PRIMA1: variants seen among roughly 807,000 people sequenced by gnomAD.
PRIMA1 encodes the protein proline-rich membrane anchor 1.
In PRIMA1, 7 loss-of-function variants were observed where a neutral mutation model predicts 17.5. The ratio of observed to expected loss-of-function variants is 0.40; its 90% CI spans 0.23 to 0.75. The LOEUF (loss-of-function observed/expected upper bound fraction) is 0.75, where lower values mean the gene tolerates loss of function less well. Ranked by LOEUF, PRIMA1 falls within the 30% of genes least tolerant of loss-of-function variation. The pLI, the probability that PRIMA1 is intolerant of heterozygous loss-of-function variation, is 0.37. For missense variants in PRIMA1, 200 were observed against 201.8 expected, an observed-to-expected ratio of 0.99 and a Z score of 0.05; for synonymous variants, 97 against 77.9, an observed-to-expected ratio of 1.25 and a Z score of -1.29.
chr14:93,782,893 A>G (rs1472402796), intron 2 of PRIMA1, among the ~76,000 whole-genome samples: 3 of 152,190 alleles, frequency 2.0e-5, no homozygotes, highest in Non-Finnish European at 2.9e-5. Context: ...TCTCTTGAAC[A>G]GCCTTCTTGG....
intron 3 of PRIMA1, among the ~76,000 whole-genome samples, chr14:93,756,413 A>C (rs770137442): frequency 2.0e-5 from 3 of 152,084 alleles, no homozygotes; most frequent in Non-Finnish European, 4.4e-5. Flanking sequence ...TAAAAAATGG[A>C]AAGTAAAAAA....
At chr14:93,748,403 G>T (rs149360689) in intron 3 of PRIMA1, among the ~76,000 whole-genome samples, 53 of 152,326 alleles carry the variant, frequency 3.5e-4, no homozygotes, top group African/African-American at 1.2e-3. Flanking sequence ...CGCTTTGGGG[G>T]ACTGGAGGGA....
intron 4 of PRIMA1, among the ~76,000 whole-genome samples, chr14:93,724,736 T>C (rs150237756): frequency 8.3e-4 from 125 of 151,428 alleles, no homozygotes; most frequent in Non-Finnish European, 1.7e-3. Flanking sequence ...CAGAAAAGAG[T>C]CTGGACCCAA....
intron 2 of PRIMA1, among the ~76,000 whole-genome samples, chr14:93,782,160 C>T (rs12147927): frequency 0.11 from 16,098 of 151,906 alleles, 1,030 homozygotes; most frequent in Admixed American, 0.21. Flanking sequence ...CCCAGCTACT[C>T]GGGAGGCTGA....
chr14:93,732,905 C>T (rs974958874), intron 4 of PRIMA1, among the ~76,000 whole-genome samples: 29 of 152,204 alleles, frequency 1.9e-4, no homozygotes, highest in African/African-American at 6.8e-4. Context: ...TCAGGCTGTC[C>T]TGCTGTCAGA....
intron 4 of PRIMA1, among the ~76,000 whole-genome samples, chr14:93,724,861 ATAATG>A (rs2076064038): frequency 6.6e-6 from 1 of 152,188 alleles, no homozygotes. Flanking sequence ...TCTAGGGTGG[ATAATG>A]AAGAAATGAA....
chr14:93,738,733 A>C (rs1474112528), intron 3 of PRIMA1, among the ~76,000 whole-genome samples: 1 of 152,170 alleles, frequency 6.6e-6, no homozygotes, highest in Non-Finnish European at 1.5e-5. Flanking sequence ...CTGAGCTTTG[A>C]CAAATGCATG....
intron 3 of PRIMA1, among the ~76,000 whole-genome samples, chr14:93,774,408 T>C (rs1885150612): frequency 1.3e-5 from 2 of 152,314 alleles, no homozygotes; most frequent in Middle Eastern, 3.4e-3. Flanking sequence ...CAAACGTTCC[T>C]GGTCATTACT....
intron 3 of PRIMA1, among the ~76,000 whole-genome samples, chr14:93,777,309 CA>C (rs1278442944): frequency 6.6e-6 from 1 of 151,802 alleles, no homozygotes; most frequent in Non-Finnish European, 1.5e-5. Context: ...CCTTTTCCCC[CA>C]ACCTGATTAG....
chr14:93,721,600 C>T, intron 4 of PRIMA1, 54 bp from the exon 5 acceptor site: 1 of 1,064,182 alleles, frequency 9.4e-7, no homozygotes, highest in Non-Finnish European at 1.4e-6. Flanking sequence ...GCAGGGACAC[C>T]ATTAGTTATC....
In PRIMA1 at chr14:93,770,256, A is replaced by G. The variant is rs542249149; in HGVS notation, c.229+8920T>C. On this transcript the variant is annotated intron_variant, in intron 3 of 4. Coordinates refer to ENST00000393140, the MANE Select transcript of PRIMA1 (RefSeq NM_178013.4). ...ACTCTTCCCCTTCCTTCCACTCTCCAGAGTCAGTCTTTGTAAAGTGCACGT... is the reference window on the plus strand; with the variant it reads ...ACTCTTCCCCTTCCTTCCACTCTCCGGAGTCAGTCTTTGTAAAGTGCACGT... Among the ~76,000 whole-genome samples the G allele has an allele frequency of 2.6e-5, 4 of 152,228 alleles. No homozygotes were observed. The East Asian group carries it at 7.7e-4, about 29-fold the overall frequency.
chr14:93,741,526 G>A (rs1262282710), intron 3 of PRIMA1, among the ~76,000 whole-genome samples: 1 of 152,242 alleles, frequency 6.6e-6, no homozygotes, highest in Non-Finnish European at 1.5e-5. Flanking sequence ...TCGGTGCCTG[G>A]CAGTGTGCTG....
chr14:93,747,031 G>A (rs1053224978), intron 3 of PRIMA1, among the ~76,000 whole-genome samples: 3 of 152,162 alleles, frequency 2.0e-5, no homozygotes, highest in South Asian at 2.1e-4. Flanking sequence ...GTTGAGAATC[G>A]AGAACTGGAG....
chr14:93,761,683 G>A (rs1436379567), intron 3 of PRIMA1, among the ~76,000 whole-genome samples: 1 of 151,896 alleles, frequency 6.6e-6, no homozygotes, highest in Non-Finnish European at 1.5e-5. Context: ...CTCTATTCCC[G>A]CCCCAGAATC....
intron 3 of PRIMA1, among the ~76,000 whole-genome samples, chr14:93,740,249 C>A (rs1166974110): frequency 6.6e-6 from 1 of 152,026 alleles, no homozygotes; most frequent in African/African-American, 2.4e-5. Context: ...AAAAAGGAGA[C>A]CCAAAGGGAT....
chr14:93,782,630 A>G (rs990656901), intron 2 of PRIMA1, among the ~76,000 whole-genome samples: 1 of 152,202 alleles, frequency 6.6e-6, no homozygotes, highest in African/African-American at 2.4e-5. Context: ...AAAACAAAAC[A>G]AAACAAAAAA....
intron 3 of PRIMA1, among the ~76,000 whole-genome samples, chr14:93,755,789 G>A (rs1446543752): frequency 6.6e-6 from 1 of 152,110 alleles, no homozygotes; most frequent in African/African-American, 2.4e-5. Context: ...CAAATCCACT[G>A]TGGAGACAAT....
chr14:93,777,952 G>A (rs1279948609), intron 3 of PRIMA1, among the ~76,000 whole-genome samples: 1 of 152,204 alleles, frequency 6.6e-6, no homozygotes, highest in Non-Finnish European at 1.5e-5. Flanking sequence ...GGAGAGTGAG[G>A]AATTCTAAAG....
chr14:93,727,409 G>C, intron 4 of PRIMA1, among the ~76,000 whole-genome samples: 1 of 152,186 alleles, frequency 6.6e-6, no homozygotes, highest in East Asian at 1.9e-4. Context: ...GCGGGCTCAT[G>C]CACAGAGCCC....
Sources: allele counts gnomAD v4.1 joint callset (sites outside exome capture counted in the v4.1 genomes callset), GRCh38; gene constraint gnomAD v4.1.1; transcripts MANE v1.5; gene names NCBI Gene and HGNC (gene_info 2026-07-23, HGNC 2026-07-21).